GRIP2: variants seen among roughly 807,000 people sequenced by gnomAD.
GRIP2 encodes the protein glutamate receptor-interacting protein 2.
In GRIP2, 58 loss-of-function variants were observed where a neutral mutation model predicts 108.3. The observed-to-expected ratio is 0.54, with a 90% CI of 0.43 to 0.67. The LOEUF is 0.67. GRIP2 is among the 30% of genes least tolerant of loss of function. GRIP2 has a pLI of 0.00. For synonymous variants in GRIP2, 586 were observed against 598.2 expected, an observed-to-expected ratio of 0.98 and a Z score of 0.30; for missense variants, 1,278 against 1,430.6, an observed-to-expected ratio of 0.89 and a Z score of 1.72.
chr3:14,573,486 A>AC, the GRIP2 span: 2 of 1,548,182 alleles, frequency 1.3e-6, no homozygotes, highest in Non-Finnish European at 1.8e-6. Context: ...AGGGTTGAGG[A>AC]AAGGCAGGAG....
the GRIP2 span, among the ~76,000 whole-genome samples, chr3:14,589,868 C>A: frequency 6.7e-6 from 1 of 150,060 alleles, no homozygotes; most frequent in Non-Finnish European, 1.5e-5. Context: ...GCAGCCTCAA[C>A]CCCACATCTC....
In GRIP2 at chr3:14,507,457, G is replaced by T; in HGVS notation, c.2218+104C>A. On this transcript the variant is annotated intron_variant, in intron 18 of 23. Transcript: ENST00000621039. The surrounding 1 kb of genome is among the most constrained non-coding windows in gnomAD (Gnocchi z 4.6). ...GCCATCGCAGGCCCGCCTCCACAGG[G>T]CTGCAGTGAGGACTCTGTGAGGGTG... The T allele has an allele frequency of 7.2e-7, 1 of 1,395,400 alleles. No homozygotes were observed. The highest frequency in any genetic ancestry group is 1.0e-6 in the Non-Finnish European group (1 of 1,001,028). The allele number at this position is 1,395,400 out of a possible 1,614,324, so 86.4% of individuals were successfully genotyped here. A position where few individuals can be genotyped will look rare whatever the true frequency, so the allele number is the denominator to read the frequency against.
the GRIP2 span, among the ~76,000 whole-genome samples, chr3:14,576,875 T>C: frequency 6.6e-6 from 1 of 152,224 alleles, no homozygotes. Flanking sequence ...CTTGAACCAT[T>C]GATTCATCCT....
exon 1 of GRIP2, chr3:14,556,041 G>A: frequency 2.5e-6 from 1 of 398,554 alleles, no homozygotes; most frequent in East Asian, 3.6e-5. Flanking sequence ...CCGCTCCAGA[G>A]CTGCTTGCGC....
rs763170219 is a variant in GRIP2 at position 14,523,676 on chromosome 3, G to T, written c.426C>A (p.Ile142=). ...PPPAPENNPR[I]ISKTVDVSLY... is the part of the protein sequence containing the mutation. ...GGGAGACGTCCACTGTCTTTGAAATGATCCTGGGGTTATTCTCAGGAGCTG... is the reference window on the plus strand; with the variant it reads ...GGGAGACGTCCACTGTCTTTGAAATTATCCTGGGGTTATTCTCAGGAGCTG... The change falls in exon 5 of 24, where the codon ATC becomes ATA. Residue 142 remains isoleucine (I), a synonymous_variant. Coordinates refer to ENST00000621039, the MANE Select transcript of GRIP2 (RefSeq NM_001080423.4). 1.6e-5 allele frequency: 25 copies of T among 1,611,550 alleles called. No individual in the cohort carries two copies. In the South Asian group the frequency reaches 2.7e-4, roughly 17 times the overall value.
chr3:14,554,177 G>A (rs1216291356), intron 1 of GRIP2, among the ~76,000 whole-genome samples: 1 of 152,188 alleles, frequency 6.6e-6, no homozygotes, highest in African/African-American at 2.4e-5. Context: ...ACTTCAACAG[G>A]GGAGGAAACT....
At position 14,491,315 on chromosome 3, in the gene GRIP2, A is replaced by C. The variant is rs910976521; in HGVS notation, c.*2350T>G. 2.6e-5 allele frequency: 4 copies of C among 152,244 alleles called. No individual in the cohort carries two copies. The highest frequency in any genetic ancestry group is 9.6e-5 in the African/African-American group (4 of 41,452). 9.4% of individuals were successfully genotyped at this position (152,244 alleles called of 1,614,324 possible). On this transcript the variant is annotated 3_prime_UTR_variant, in exon 24 of 24. Coordinates refer to ENST00000621039, the MANE Select transcript of GRIP2 (RefSeq NM_001080423.4). ...AATACAGCCCCTTGTGCTTCCCGAGAGCCCTAAGAAAACCCGATGTAGAAA... is the reference window on the plus strand; with the variant it reads ...AATACAGCCCCTTGTGCTTCCCGAGCGCCCTAAGAAAACCCGATGTAGAAA...
At chr3:14,510,030 CCTCA>C (rs1183517354) in intron 16 of GRIP2, 66 bp from the exon 17 acceptor site, 19 of 1,307,626 alleles carry the variant, frequency 1.5e-5, no homozygotes, top group South Asian at 4.6e-5. Context: ...AAAGCCTTGG[CCTCA>C]CTCACTCACT....
chr3:14,560,495 C>T (rs1218860085), upstream of GRIP2, among the ~76,000 whole-genome samples: 1 of 152,126 alleles, frequency 6.6e-6, no homozygotes, highest in East Asian at 1.9e-4. Flanking sequence ...TATCCCAATC[C>T]CCAGCCACGG....
In GRIP2 at chr3:14,521,901, G is replaced by A. The variant is rs1198502658; in HGVS notation, c.567-114C>T. 2.2e-5 allele frequency: 22 copies of A among 991,606 alleles called. No individual in the cohort carries two copies. Among genetic ancestry groups the A allele is most frequent in the Non-Finnish European group, 2.8e-5 (20 of 702,660 alleles). 61.4% of individuals were successfully genotyped at this position (991,606 alleles called of 1,614,324 possible). Reference sequence around the variant, plus strand: ...GATGAAGAAGCAGGGAATGGGTGGGGGAGGAAGGGGAGGAGGGGACGGGTG... The same window carrying A: ...GATGAAGAAGCAGGGAATGGGTGGGAGAGGAAGGGGAGGAGGGGACGGGTG... On this transcript the variant is annotated intron_variant, in intron 6 of 23. Coordinates refer to ENST00000621039, the MANE Select transcript of GRIP2 (RefSeq NM_001080423.4). The surrounding 1 kb of genome is among the most constrained non-coding windows in gnomAD (Gnocchi z 5.1).
At chr3:14,568,102 G>T in the GRIP2 span, among the ~76,000 whole-genome samples, 1 of 152,228 alleles carries the variant, frequency 6.6e-6, no homozygotes, top group Non-Finnish European at 1.5e-5. Flanking sequence ...GACCACCAAG[G>T]GCCAGGTTGG....
chr3:14,562,242 T>C, the GRIP2 span, among the ~76,000 whole-genome samples: 1 of 152,136 alleles, frequency 6.6e-6, no homozygotes, highest in Non-Finnish European at 1.5e-5. Context: ...ATTGCAGGGC[T>C]GAGGCAGGGA....
the GRIP2 span, among the ~76,000 whole-genome samples, chr3:14,568,367 A>G: frequency 6.6e-6 from 1 of 152,186 alleles, no homozygotes; most frequent in Non-Finnish European, 1.5e-5. Flanking sequence ...AAAGAAAAGT[A>G]GTGACTCATT....
chr3:14,516,678 T>C lies in GRIP2; in HGVS notation c.1306+386A>G, dbSNP rs554621526. Among the ~76,000 whole-genome samples the C allele has an allele frequency of 2.6e-5, 4 of 152,240 alleles. 1 individual carries two copies. In the Middle Eastern group the frequency reaches 0.014, roughly 518 times the overall value. ...AAATTAACAAATGGCAGAGAGGTGGTAAGGATATAGTAACGCAGCACTGAG... is the reference window on the plus strand; with the variant it reads ...AAATTAACAAATGGCAGAGAGGTGGCAAGGATATAGTAACGCAGCACTGAG... On this transcript the variant is annotated intron_variant, in intron 11 of 23. Coordinates refer to ENST00000621039, the MANE Select transcript of GRIP2 (RefSeq NM_001080423.4).
At chr3:14,592,945 C>T in the GRIP2 span, among the ~76,000 whole-genome samples, 1 of 152,202 alleles carries the variant, frequency 6.6e-6, no homozygotes, top group East Asian at 1.9e-4. Flanking sequence ...TCGTGCCCTT[C>T]TCCCAGAACA....
the GRIP2 span, among the ~76,000 whole-genome samples, chr3:14,580,326 C>T: frequency 6.6e-6 from 1 of 152,232 alleles, no homozygotes. Flanking sequence ...AGGAAGGGGA[C>T]CACACATCTT....
Position 14,493,600 on chromosome 3 carries a change from G to T in GRIP2, c.*65C>A. On this transcript the variant is annotated 3_prime_UTR_variant, in exon 24 of 24. Transcript: ENST00000621039. ...AGTGGGTGGCCGCTTCTCCAGCCCA[G>T]CTACGTGTCTGGGAGCCAGGATCTG... is the stretch of plus-strand genomic sequence containing the variant. 6.8e-7 allele frequency: 1 copy of T among 1,480,262 alleles called. No individual in the cohort carries two copies. Among genetic ancestry groups the T allele is most frequent in the Non-Finnish European group, 9.0e-7 (1 of 1,105,892 alleles). The allele number at this position is 1,480,262 out of a possible 1,614,324, so 91.7% of individuals were successfully genotyped here.
chr3:14,572,865 T>G, the GRIP2 span: 16 of 1,186,998 alleles, frequency 1.3e-5, no homozygotes, highest in Admixed American at 1.7e-4. Context: ...GAGCTGAGCA[T>G]CCAGTTCGTA....
intron 1 of GRIP2, 58 bp from the exon 2 acceptor site, chr3:14,525,989 C>G: frequency 6.9e-7 from 1 of 1,449,424 alleles, no homozygotes; most frequent in East Asian, 2.5e-5. Flanking sequence ...TCCTGCAGAC[C>G]TCTTCTGCTT....
Sources: allele counts gnomAD v4.1 joint callset (sites outside exome capture counted in the v4.1 genomes callset), GRCh38; gene constraint gnomAD v4.1.1; non-coding constraint Gnocchi (gnomAD v3.1); transcripts MANE v1.5; gene names NCBI Gene and HGNC (gene_info 2026-07-23, HGNC 2026-07-21).